RBFOX1: variants seen among roughly 807,000 people sequenced by gnomAD.
The protein encoded by RBFOX1 is RNA binding fox-1 homolog 1.
Under a neutral mutation model 57.7 loss-of-function variants are expected in RBFOX1, and 8 were observed. That is an observed-to-expected ratio of 0.14 (90% CI 0.08 to 0.25). RBFOX1 has a LOEUF of 0.25. Among genes scored for constraint, RBFOX1 ranks in the 10% least tolerant of loss-of-function variants. RBFOX1 has a pLI of 1.00. For synonymous variants in RBFOX1, 326 were observed against 222.4 expected (o/e 1.47, Z -4.15); for missense variants, 611 against 548.5 (o/e 1.11, Z -1.14).
intron 3 of RBFOX1, among the ~76,000 whole-genome samples, chr16:7,031,728 T>C (rs917362533): frequency 6.6e-6 from 1 of 152,186 alleles, no homozygotes; most frequent in African/African-American, 2.4e-5. Context: ...ATTTTTAAAA[T>C]ACTATACTCT....
chr16:7,667,765 C>T (rs926415995), intron 13 of RBFOX1, among the ~76,000 whole-genome samples: 5 of 152,060 alleles, frequency 3.3e-5, no homozygotes, highest in Non-Finnish European at 7.4e-5. Flanking sequence ...GCAACCTCTG[C>T]CCCCTGGAAG....
chr16:6,734,854 G>A lies in RBFOX1; in HGVS notation c.-16+80204G>A, dbSNP rs75913075. ...AAAACAGGTGCAGCAATGAAAAGAT[G>A]AGTCATTTTCAATAGTTCTTGACGC... On this transcript the variant is annotated intron_variant, in intron 3 of 15. Transcript: ENST00000550418. 5.0e-3 allele frequency among the ~76,000 whole-genome samples: 762 copies of A among 152,280 alleles called. 6 individuals carry two copies. The highest frequency in any genetic ancestry group is 0.017 in the African/African-American group (717 of 41,552).
At chr16:5,321,359 AC>A (rs2064400718) in intron 1 of RBFOX1, among the ~76,000 whole-genome samples, 1 of 150,576 alleles carries the variant, frequency 6.6e-6, no homozygotes, top group Non-Finnish European at 1.5e-5. Context: ...TCGCTTTGTC[AC>A]CCAGGCTGGA....
chr16:6,722,160 T>A (rs554227796), intron 3 of RBFOX1, among the ~76,000 whole-genome samples: 2 of 152,324 alleles, frequency 1.3e-5, no homozygotes, highest in African/African-American at 4.8e-5. Context: ...CTGTGGTACA[T>A]ACCCAAAAAT....
chr16:7,575,686 C>A (rs2093268496), intron 5 of RBFOX1, among the ~76,000 whole-genome samples: 1 of 152,194 alleles, frequency 6.6e-6, no homozygotes, highest in Admixed American at 6.5e-5. Flanking sequence ...AGTCCAGTGG[C>A]TTTAAGCCGC....
intron 4 of RBFOX1, among the ~76,000 whole-genome samples, chr16:5,909,468 C>T (rs1424035576): frequency 6.6e-6 from 1 of 152,210 alleles, no homozygotes; most frequent in Non-Finnish European, 1.5e-5. Context: ...AGATGGTCTG[C>T]TTCAGGAAGG....
chr16:6,872,409 C>G (rs546379196), intron 3 of RBFOX1, among the ~76,000 whole-genome samples: 12 of 151,824 alleles, frequency 7.9e-5, no homozygotes, highest in African/African-American at 2.9e-4. Context: ...TTTTTTTAAT[C>G]GATCACCTTT....
chr16:6,079,257 G>C (rs1310527940), intron 1 of RBFOX1, among the ~76,000 whole-genome samples: 1 of 152,212 alleles, frequency 6.6e-6, no homozygotes, highest in Non-Finnish European at 1.5e-5. Flanking sequence ...AGTGAGCCAA[G>C]ATTGTGCCAC....
At chr16:6,127,284 T>TAA (rs1277656888) in intron 1 of RBFOX1, among the ~76,000 whole-genome samples, 5 of 145,848 alleles carry the variant, frequency 3.4e-5, no homozygotes, top group South Asian at 2.2e-4. Context: ...TCTCTTTTTT[T>TAA]AAAAAAAAAA....
intron 2 of RBFOX1, among the ~76,000 whole-genome samples, chr16:6,520,059 G>A (rs934163821): frequency 2.6e-5 from 4 of 152,150 alleles, no homozygotes; most frequent in Non-Finnish European, 5.9e-5. Context: ...CAGGTGCTAA[G>A]GTTTCTTATT....
intron 4 of RBFOX1, among the ~76,000 whole-genome samples, chr16:7,420,255 C>T (rs1304004909): frequency 1.3e-5 from 2 of 152,146 alleles, no homozygotes; most frequent in African/African-American, 4.8e-5. Flanking sequence ...TAAATAGCCT[C>T]TCGTCCTATT....
chr16:6,559,080 C>G (rs1317490710), intron 2 of RBFOX1, among the ~76,000 whole-genome samples: 1 of 151,756 alleles, frequency 6.6e-6, no homozygotes, highest in Non-Finnish European at 1.5e-5. Context: ...CTCATAGTTC[C>G]TTGTACTTTT....
intron 4 of RBFOX1, among the ~76,000 whole-genome samples, chr16:7,352,859 G>A (rs1438990982): frequency 6.6e-6 from 1 of 152,060 alleles, no homozygotes; most frequent in Non-Finnish European, 1.5e-5. Context: ...GGGACTACAG[G>A]AGCATGCCAC....
chr16:7,225,806 T>G, intron 4 of RBFOX1, among the ~76,000 whole-genome samples: 1 of 146,714 alleles, frequency 6.8e-6, no homozygotes, highest in South Asian at 2.3e-4. Context: ...CTAATGTAAA[T>G]GACGAGTTAA....
chr16:7,524,898 G>A lies in RBFOX1; in HGVS notation c.270+6509G>A, dbSNP rs554475605. On this transcript the variant is annotated intron_variant, in intron 5 of 15. Transcript: ENST00000550418. ...AAAACTTGTTCAGGGCATTCCTTTTGACTAACTAGCTATTATTATTATCAT... is the reference window on the plus strand; with the variant it reads ...AAAACTTGTTCAGGGCATTCCTTTTAACTAACTAGCTATTATTATTATCAT... 6.7e-4 allele frequency among the ~76,000 whole-genome samples: 102 copies of A among 152,282 alleles called. 1 individual carries two copies. The highest frequency in any genetic ancestry group is 8.7e-4 in the Non-Finnish European group (59 of 68,024).
chr16:6,696,304 C>T (rs960538019), intron 3 of RBFOX1, among the ~76,000 whole-genome samples: 2 of 151,870 alleles, frequency 1.3e-5, no homozygotes, highest in African/African-American at 2.4e-5. Context: ...TGAAATATCT[C>T]TGACTTTTTC....
intron 2 of RBFOX1, among the ~76,000 whole-genome samples, chr16:6,484,068 C>A (rs1323283007): frequency 2.0e-5 from 3 of 152,138 alleles, no homozygotes; most frequent in Admixed American, 6.5e-5. Context: ...TTTTCTTTAC[C>A]CACTGGAAGT....
intron 1 of RBFOX1, among the ~76,000 whole-genome samples, chr16:6,131,671 G>A (rs2096630626): frequency 6.6e-6 from 1 of 152,134 alleles, no homozygotes; most frequent in African/African-American, 2.4e-5. Context: ...GGTCATAAAG[G>A]TATTTTACTG....
intron 2 of RBFOX1, among the ~76,000 whole-genome samples, chr16:6,629,315 T>G (rs950938125): frequency 6.6e-6 from 1 of 152,190 alleles, no homozygotes; most frequent in Admixed American, 6.5e-5. Context: ...GCTACACTGA[T>G]GTAACGTCCA....
Sources: allele counts gnomAD v4.1 joint callset (sites outside exome capture counted in the v4.1 genomes callset), GRCh38; gene constraint gnomAD v4.1.1; transcripts MANE v1.5; gene names NCBI Gene and HGNC (gene_info 2026-07-23, HGNC 2026-07-21).